The following NCKAP5 variants were observed in gnomAD, a reference collection of about 807,000 sequenced individuals.
NCKAP5 encodes the protein nck-associated protein 5.
A neutral mutation model predicts 167.0 loss-of-function variants in NCKAP5; 92 were observed. The observed-to-expected ratio is 0.55, with a 90% CI of 0.47 to 0.66. The LOEUF (loss-of-function observed/expected upper bound fraction) is 0.66, where lower values mean the gene tolerates loss of function less well. NCKAP5 is among the 30% of genes least tolerant of loss of function. The pLI is 0.00. For synonymous variants in NCKAP5, 891 were observed against 877.4 expected (o/e 1.02, Z -0.27); for missense variants, 2,378 against 2,315.0 (o/e 1.03, Z -0.56).
intron 4 of NCKAP5, among the ~76,000 whole-genome samples, chr2:133,252,871 C>G (rs991774531): frequency 1.3e-5 from 2 of 152,220 alleles, no homozygotes; most frequent in African/African-American, 4.8e-5. Flanking sequence ...GAATAATATG[C>G]TGAAGCAGCC....
At chr2:132,983,108 T>G (rs1021999254) in intron 7 of NCKAP5, among the ~76,000 whole-genome samples, 2 of 152,184 alleles carry the variant, frequency 1.3e-5, no homozygotes, top group Non-Finnish European at 2.9e-5. Flanking sequence ...CCTCTCAGCT[T>G]GACTGTTACT....
At chr2:132,726,047 C>A (rs77853449) in intron 18 of NCKAP5, among the ~76,000 whole-genome samples, 1 of 152,156 alleles carries the variant, frequency 6.6e-6, no homozygotes, top group Admixed American at 6.5e-5. Flanking sequence ...AAGGTCCCCA[C>A]GGTTACCTGG....
intron 4 of NCKAP5, among the ~76,000 whole-genome samples, chr2:133,230,304 C>T (rs112080223): frequency 2.6e-5 from 4 of 152,108 alleles, no homozygotes; most frequent in African/African-American, 9.7e-5. Context: ...CATAACATAA[C>T]CTCCTCTCTC....
At chr2:133,128,748 C>T (rs1023373195) in intron 6 of NCKAP5, among the ~76,000 whole-genome samples, 9 of 152,094 alleles carry the variant, frequency 5.9e-5, no homozygotes, top group African/African-American at 1.9e-4. Context: ...CAGGCACCTG[C>T]CATCATGCCC....
chr2:132,776,643 T>A (rs1682575161), intron 15 of NCKAP5, among the ~76,000 whole-genome samples: 1 of 152,096 alleles, frequency 6.6e-6, no homozygotes, highest in Non-Finnish European at 1.5e-5. Context: ...AGTGCCATAC[T>A]TGTCAATTCT....
chr2:133,496,447 C>T (rs1681958102), intron 3 of NCKAP5, among the ~76,000 whole-genome samples: 1 of 152,086 alleles, frequency 6.6e-6, no homozygotes, highest in African/African-American at 2.4e-5. Flanking sequence ...CTTGATTTTG[C>T]ATGTAACTTA....
intron 3 of NCKAP5, among the ~76,000 whole-genome samples, chr2:133,445,354 G>C (rs1034315683): frequency 6.6e-6 from 1 of 152,024 alleles, no homozygotes; most frequent in African/African-American, 2.4e-5. Flanking sequence ...GGGCAAAATT[G>C]GTTTTTAAAA....
intron 4 of NCKAP5, among the ~76,000 whole-genome samples, chr2:133,286,490 G>A (rs1300628203): frequency 1.3e-5 from 2 of 152,188 alleles, no homozygotes. Context: ...GAGTTCACAA[G>A]AGAGTAATTG....
At chr2:133,635,875 G>A in the NCKAP5 span, among the ~76,000 whole-genome samples, 1 of 152,190 alleles carries the variant, frequency 6.6e-6, no homozygotes, top group African/African-American at 2.4e-5. Context: ...AGGAAGGAAT[G>A]AGCCAAACCT....
intron 5 of NCKAP5, among the ~76,000 whole-genome samples, chr2:133,198,353 C>A (rs999015937): frequency 6.6e-6 from 1 of 151,978 alleles, no homozygotes; most frequent in South Asian, 2.1e-4. Flanking sequence ...ACATCATAAC[C>A]ACACTGCAGG....
At chr2:133,028,481 GTAATTTATA>G (rs1326912623) in intron 6 of NCKAP5, among the ~76,000 whole-genome samples, 1 of 152,056 alleles carries the variant, frequency 6.6e-6, no homozygotes, top group African/African-American at 2.4e-5. Context: ...ACCTCTAAGA[GTAATTTATA>G]TCCATACAAT....
At chr2:132,806,077 T>G (rs552237245) in intron 11 of NCKAP5, among the ~76,000 whole-genome samples, 1 of 152,292 alleles carries the variant, frequency 6.6e-6, no homozygotes, top group East Asian at 1.9e-4. Flanking sequence ...GTCTCCAATC[T>G]CATCCAGGTC....
At chr2:132,738,635 G>A (rs774460546) in intron 16 of NCKAP5, among the ~76,000 whole-genome samples, 1 of 152,180 alleles carries the variant, frequency 6.6e-6, no homozygotes, top group Non-Finnish European at 1.5e-5. Flanking sequence ...CTTAGTCCAT[G>A]TTGCATTGCT....
At chr2:133,044,224 A>C (rs545273403) in intron 6 of NCKAP5, among the ~76,000 whole-genome samples, 51 of 152,320 alleles carry the variant, frequency 3.3e-4, no homozygotes, top group African/African-American at 1.2e-3. Flanking sequence ...TACAAATAGC[A>C]AAGGAAAAGT....
chr2:133,592,148 G>A, the NCKAP5 span, among the ~76,000 whole-genome samples: 33 of 152,114 alleles, frequency 2.2e-4, no homozygotes, highest in Admixed American at 1.4e-3. Flanking sequence ...TACTATCTGC[G>A]TAGAATTCTC....
chr2:133,603,564 G>A, the NCKAP5 span, among the ~76,000 whole-genome samples: 3 of 145,960 alleles, frequency 2.1e-5, no homozygotes, highest in Non-Finnish European at 3.0e-5. Context: ...TTTTTGAGAC[G>A]GAGTCTTGCT....
chr2:132,739,399 T>C (rs2105562591), intron 16 of NCKAP5, among the ~76,000 whole-genome samples: 1 of 152,312 alleles, frequency 6.6e-6, no homozygotes, highest in South Asian at 2.1e-4. Context: ...GTGAGAAGAC[T>C]ATATGCTTCA....
At chr2:132,806,538 T>A (rs1299904991) in intron 11 of NCKAP5, among the ~76,000 whole-genome samples, 1 of 152,224 alleles carries the variant, frequency 6.6e-6, no homozygotes, top group African/African-American at 2.4e-5. Flanking sequence ...GAGCATTTTT[T>A]CATATGTTTG....
chr2:133,529,078 T>C (rs551553638), intron 2 of NCKAP5, among the ~76,000 whole-genome samples: 1 of 152,326 alleles, frequency 6.6e-6, no homozygotes, highest in East Asian at 1.9e-4. Flanking sequence ...CCACAGCCCA[T>C]ACCCTCCTAG....
Sources: allele counts gnomAD v4.1 joint callset (sites outside exome capture counted in the v4.1 genomes callset), GRCh38; gene constraint gnomAD v4.1.1; transcripts MANE v1.5; gene names NCBI Gene and HGNC (gene_info 2026-07-23, HGNC 2026-07-21).